The following EIF3A variants were observed in gnomAD, a reference collection of about 807,000 sequenced individuals.
The protein encoded by EIF3A is eukaryotic translation initiation factor 3 subunit A.
EIF3A carries 21 observed loss-of-function variants against 186.6 expected under a neutral mutation model. That is an observed-to-expected ratio of 0.11 (90% confidence interval 0.08 to 0.16). The LOEUF is 0.16. Among genes scored for constraint, EIF3A ranks in the 10% least tolerant of loss-of-function variants. The pLI, the probability that EIF3A is intolerant of heterozygous loss-of-function variation, is 1.00. For missense variants in EIF3A, 1,306 were observed against 1,796.3 expected, an observed-to-expected ratio of 0.73 and a Z score of 4.93; for synonymous variants, 563 against 584.3, an observed-to-expected ratio of 0.96 and a Z score of 0.52.
At position 119,042,474 on chromosome 10, in the gene EIF3A, T is replaced by C; in HGVS notation, c.3046A>G (p.Arg1016Gly). ...RGNWRHADDD[R>G]PPRRGLDEDR... The stretch of plus-strand genomic sequence containing the variant: ...TCATCCAGTCCTCGTCTAGGTGGTC[T>C]GTCATCATCCGCATGACGCCAGTTT... Residue 1016 changes from arginine (R) to glycine (G), a missense_variant, in exon 19 of 22, where the codon AGA becomes GGA. Arg to Gly is a moderately radical substitution (Grantham distance 125, BLOSUM62 -2). This residue lies in a region of EIF3A where 410 missense variants were observed against 473.5 expected (regional missense o/e 0.87). Coordinates refer to ENST00000369144, the MANE Select transcript of EIF3A (RefSeq NM_003750.4). This position sits in a 1 kb window ranked among gnomAD's most constrained non-coding sequence, Gnocchi z 7.8. 1 of 1,614,176 alleles carries C rather than the reference T, an allele frequency of 6.2e-7. No homozygotes were observed. Among genetic ancestry groups the C allele is most frequent in the Non-Finnish European group, 8.5e-7 (1 of 1,180,038 alleles).
chr10:119,077,943 T>C lies in EIF3A; in HGVS notation c.49+2685A>G, dbSNP rs910099488. On this transcript the variant is annotated intron_variant, in intron 1 of 21. Transcript: ENST00000369144. ...AAGGTTCTATTTCAATACTTAAATA[T>C]TGACTTCCAGATTAATATTATAGAA... Among the ~76,000 whole-genome samples, 5 of 152,196 alleles carry C rather than the reference T, an allele frequency of 3.3e-5. No homozygotes were observed. In the East Asian group the frequency reaches 7.7e-4, roughly 23 times the overall value.
chr10:119,068,573 A>C (rs1000857584), intron 6 of EIF3A, among the ~76,000 whole-genome samples: 1 of 152,000 alleles, frequency 6.6e-6, no homozygotes, highest in Admixed American at 6.6e-5. Context: ...CTACTCAGGA[A>C]GCTGAGGCAG....
intron 11 of EIF3A, among the ~76,000 whole-genome samples, chr10:119,058,618 A>T (rs1169488811): frequency 6.6e-6 from 1 of 152,268 alleles, no homozygotes; most frequent in Non-Finnish European, 1.5e-5. Context: ...GCAGTGGCTC[A>T]TGCGTGTAAC....
In EIF3A at chr10:119,072,901, A is replaced by G. The variant is rs773321968; in HGVS notation, c.530T>C (p.Ile177Thr). Residue 177 changes from isoleucine (I) to threonine (T), a missense_variant, in exon 4 of 22, where the codon ATT (isoleucine) becomes ACT (threonine). Ile to Thr is a moderately conservative substitution (Grantham distance 89, BLOSUM62 -1). This residue lies in a region of EIF3A where 130 missense variants were observed against 259.3 expected (regional missense o/e 0.50). Coordinates refer to ENST00000369144, the MANE Select transcript of EIF3A (RefSeq NM_003750.4). ...NSRVERLYHD[I>T]AQQAFKFCLQ... ...TCTTCTCATCTTACCTTGCTGGGCA[A>G]TATCATGGTACAGGCGCTCTACTCT... 3.7e-6 allele frequency: 6 copies of G among 1,610,112 alleles called. No homozygotes were observed. Among genetic ancestry groups the G allele is most frequent in the South Asian group, 3.3e-5 (3 of 89,912 alleles).
chr10:119,060,637 C>A, intron 9 of EIF3A, 109 bp downstream of exon 9: 1 of 666,116 alleles, frequency 1.5e-6, no homozygotes, highest in East Asian at 2.9e-5. Flanking sequence ...TTGCCAGGGG[C>A]AGAACTTGGG....
At chr10:119,078,444 G>A (rs544928012) in intron 1 of EIF3A, among the ~76,000 whole-genome samples, 31 of 152,178 alleles carry the variant, frequency 2.0e-4, no homozygotes, top group Non-Finnish European at 4.0e-4. Context: ...AATATTGTTA[G>A]GATCACAAAT....
intron 19 of EIF3A, among the ~76,000 whole-genome samples, chr10:119,039,878 G>T (rs1198005651): frequency 6.6e-6 from 1 of 152,056 alleles, no homozygotes; most frequent in African/African-American, 2.4e-5. Flanking sequence ...TGTATTGATT[G>T]GTTGACAAAA....
At chr10:119,050,498 C>A in intron 16 of EIF3A, 23 bp downstream of exon 16, 1 of 1,610,196 alleles carries the variant, frequency 6.2e-7, no homozygotes. Context: ...TAGCACCCCT[C>A]CAATCCTGTT....
chr10:119,070,037 A>G (rs569985863), intron 5 of EIF3A, among the ~76,000 whole-genome samples: 5 of 152,204 alleles, frequency 3.3e-5, no homozygotes, highest in Non-Finnish European at 5.9e-5. Context: ...TATAATGGGC[A>G]TGTTTACTTA....
At chr10:119,038,714 AG>A (rs889330331) in intron 19 of EIF3A, among the ~76,000 whole-genome samples, 1 of 152,180 alleles carries the variant, frequency 6.6e-6, no homozygotes, top group African/African-American at 2.4e-5. Context: ...ACTTAAGGTC[AG>A]GAATTCGAGA....
At chr10:119,057,811 T>A in intron 12 of EIF3A, 145 bp downstream of exon 12, 1 of 662,544 alleles carries the variant, frequency 1.5e-6, no homozygotes, top group South Asian at 1.9e-5. Context: ...AATAAACATA[T>A]GCTTACTCAC....
At position 119,049,921 on chromosome 10, in the gene EIF3A, C is replaced by T. The variant is rs1309090631; in HGVS notation, c.2538G>A (p.Glu846=). 1 of 1,614,162 alleles carries T rather than the reference C, an allele frequency of 6.2e-7. No homozygotes were observed. The change falls in exon 17 of 22, where the codon GAG becomes GAA. Residue 846 remains glutamate, a synonymous_variant. Transcript: ENST00000369144. ...KREEELREYQ[E]RVKKLEEVER... ...CCACTTCTTCTAATTTCTTCACCCG[C>T]TCCTGATACTCTCGTAGCTCTTCCT...
intron 6 of EIF3A, among the ~76,000 whole-genome samples, chr10:119,068,562 G>A (rs546813327): frequency 5.3e-5 from 8 of 152,274 alleles, no homozygotes; most frequent in African/African-American, 1.9e-4. Flanking sequence ...TGTAATCCCA[G>A]CTACTCAGGA....
chr10:119,059,578 T>C (rs1373699030), intron 10 of EIF3A, 24 bp downstream of exon 10: 5 of 1,567,450 alleles, frequency 3.2e-6, no homozygotes, highest in Admixed American at 1.7e-5. Context: ...GGCCTTCTCC[T>C]GTCTCCTTAC....
At chr10:119,055,403 G>C (rs941712843) in intron 14 of EIF3A, among the ~76,000 whole-genome samples, 4 of 152,180 alleles carry the variant, frequency 2.6e-5, no homozygotes, top group Middle Eastern at 3.4e-3. Context: ...AAAGATCACT[G>C]ATCACTACAA....
chr10:119,078,050 T>C (rs1844204984), intron 1 of EIF3A, among the ~76,000 whole-genome samples: 1 of 152,212 alleles, frequency 6.6e-6, no homozygotes, highest in Admixed American at 6.5e-5. Context: ...TTACTGAAAG[T>C]ATGTATAAAG....
chr10:119,066,115 CAAAAAAGAAA>C (rs1843973778), intron 6 of EIF3A, among the ~76,000 whole-genome samples: 2 of 141,918 alleles, frequency 1.4e-5, no homozygotes, highest in South Asian at 2.3e-4. Context: ...GACTCTGTCT[CAAAAAAGAAA>C]AAAAAAGAAA....
chr10:119,067,997 GACGGGGTTTTGCC>G (rs1765188235), intron 6 of EIF3A, among the ~76,000 whole-genome samples: 1 of 152,164 alleles, frequency 6.6e-6, no homozygotes, highest in Non-Finnish European at 1.5e-5. Context: ...TTTTAGTAGA[GACGGGGTTTTGCC>G]ATGTTGGCCA....
chr10:119,042,723 C>T lies in EIF3A; in HGVS notation c.2797G>A (p.Asp933Asn). Residue 933 changes from aspartate to asparagine, a missense_variant, in exon 19 of 22, where the codon GAT (aspartate) becomes AAT (asparagine). Physicochemically the swap from Asp to Asn is conservative, Grantham distance 23. Coordinates refer to ENST00000369144, the MANE Select transcript of EIF3A (RefSeq NM_003750.4). The surrounding 1 kb of genome is among the most constrained non-coding windows in gnomAD (Gnocchi z 7.8). ...CCCAGACGCCGGGGCCGCTCTTCATCTCTTCTATGAGACCTGTCCTCATCT... is the reference window on the plus strand; with the variant it reads ...CCCAGACGCCGGGGCCGCTCTTCATTTCTTCTATGAGACCTGTCCTCATCT... ...GRDEDRSHRR[D>N]EERPRRLGDD... is the part of the protein sequence containing the mutation. 1 of 1,613,620 alleles carries T rather than the reference C, an allele frequency of 6.2e-7. No homozygotes were observed. Among genetic ancestry groups the T allele is most frequent in the Non-Finnish European group, 8.5e-7 (1 of 1,180,014 alleles).
Sources: gnomAD v4.1 joint callset for allele counts (sites outside exome capture counted in the v4.1 genomes callset) on GRCh38, gnomAD v4.1.1 for gene constraint, gnomAD v4.1.1 regional missense constraint, Gnocchi (gnomAD v3.1) non-coding constraint, MANE v1.5 for transcripts, NCBI Gene and HGNC (gene_info 2026-07-23, HGNC 2026-07-21) for gene names.